Variants in ZNF407 observed in about 807,000 individuals in gnomAD.
The protein encoded by ZNF407 is zinc finger protein 407.
In ZNF407, 17 loss-of-function variants were observed where a neutral mutation model predicts 131.2. That is an observed-to-expected ratio of 0.13 (90% CI 0.09 to 0.19). The LOEUF (loss-of-function observed/expected upper bound fraction) is 0.19. ZNF407 is among the 10% of genes least tolerant of loss of function. The pLI is 1.00. For missense variants in ZNF407, 2,681 were observed against 2,830.6 expected (o/e 0.95, Z 1.20); for synonymous variants, 1,156 against 1,062.0 (o/e 1.09, Z -1.72).
intron 3 of ZNF407, among the ~76,000 whole-genome samples, chr18:74,701,331 G>A (rs966734059): frequency 5.3e-5 from 8 of 152,144 alleles, no homozygotes; most frequent in African/African-American, 1.4e-4. Context: ...GCATCTCATC[G>A]CAAAGAAATA....
intron 3 of ZNF407, among the ~76,000 whole-genome samples, chr18:74,645,568 T>G (rs1984931426): frequency 6.6e-6 from 1 of 152,016 alleles, no homozygotes; most frequent in Admixed American, 6.6e-5. Context: ...ATTAATGTGC[T>G]TATGAACTGT....
At chr18:74,725,781 T>C (rs149680541) in intron 3 of ZNF407, among the ~76,000 whole-genome samples, 155 of 152,314 alleles carry the variant, frequency 1.0e-3, no homozygotes, top group African/African-American at 3.5e-3. Context: ...CAGGTGATGT[T>C]ATGTATCTGA....
intron 3 of ZNF407, among the ~76,000 whole-genome samples, chr18:74,733,370 AATTTTTTTAT>A: frequency 6.6e-6 from 1 of 152,152 alleles, no homozygotes; most frequent in South Asian, 2.1e-4. Flanking sequence ...ATTATTTTTA[AATTTTTTTAT>A]TATAAGATTT....
intron 4 of ZNF407, among the ~76,000 whole-genome samples, chr18:74,859,393 T>G (rs1313284027): frequency 2.0e-5 from 3 of 152,144 alleles, no homozygotes; most frequent in Non-Finnish European, 4.4e-5. Context: ...GTATTTAACG[T>G]GTAACACTGG....
chr18:74,892,288 C>T (rs1264572500), intron 7 of ZNF407, among the ~76,000 whole-genome samples: 1 of 152,032 alleles, frequency 6.6e-6, no homozygotes, highest in Non-Finnish European at 1.5e-5. Context: ...TGTGGAGAAC[C>T]TGGGCTCAGC....
intron 8 of ZNF407, among the ~76,000 whole-genome samples, chr18:74,932,962 A>C (rs927679136): frequency 2.0e-5 from 3 of 152,218 alleles, no homozygotes; most frequent in African/African-American, 7.2e-5. Flanking sequence ...ACAATAGTGC[A>C]GCTGCTGTGG....
At chr18:74,603,481 T>G (rs1431360925) in intron 1 of ZNF407, among the ~76,000 whole-genome samples, 2 of 152,180 alleles carry the variant, frequency 1.3e-5, no homozygotes, top group African/African-American at 2.4e-5. Flanking sequence ...ATGACAACAG[T>G]ATCTTCTCTC....
At chr18:74,833,644 C>G (rs1970515578) in intron 4 of ZNF407, among the ~76,000 whole-genome samples, 1 of 152,182 alleles carries the variant, frequency 6.6e-6, no homozygotes, top group South Asian at 2.1e-4. Flanking sequence ...AGGCTCAGGT[C>G]CTGTTGCCCT....
At chr18:74,993,282 G>C (rs1413388568) in intron 8 of ZNF407, among the ~76,000 whole-genome samples, 1 of 152,168 alleles carries the variant, frequency 6.6e-6, no homozygotes, top group African/African-American at 2.4e-5. Context: ...CAGATGAATG[G>C]ACAATTCATC....
At chr18:75,060,815 T>A (rs1326562230) in intron 8 of ZNF407, among the ~76,000 whole-genome samples, 1 of 152,248 alleles carries the variant, frequency 6.6e-6, no homozygotes, top group African/African-American at 2.4e-5. Flanking sequence ...GCAGCTCTTT[T>A]CTTGACAAAA....
intron 3 of ZNF407, among the ~76,000 whole-genome samples, chr18:74,691,813 G>A (rs1202326832): frequency 6.6e-6 from 1 of 152,072 alleles, no homozygotes; most frequent in African/African-American, 2.4e-5. Context: ...ATATTTATGG[G>A]CCGAGTTTGT....
chr18:75,039,370 T>C (rs1235869092), intron 8 of ZNF407, among the ~76,000 whole-genome samples: 2 of 152,318 alleles, frequency 1.3e-5, no homozygotes, highest in African/African-American at 4.8e-5. Context: ...GTGCAGTAAT[T>C]AACGTGTGGA....
At chr18:74,612,317 A>G (rs1340420768) in intron 1 of ZNF407, among the ~76,000 whole-genome samples, 3 of 152,206 alleles carry the variant, frequency 2.0e-5, no homozygotes, top group Non-Finnish European at 4.4e-5. Context: ...AGAGGGACAA[A>G]TTATCAGAGA....
chr18:74,739,431 A>C (rs949053645), intron 3 of ZNF407, among the ~76,000 whole-genome samples: 6 of 151,896 alleles, frequency 4.0e-5, no homozygotes, highest in African/African-American at 1.2e-4. Context: ...GTAACTAAAA[A>C]GTAGGTGGTC....
chr18:74,921,829 C>G (rs921514809), intron 8 of ZNF407, among the ~76,000 whole-genome samples: 1 of 152,064 alleles, frequency 6.6e-6, no homozygotes, highest in Non-Finnish European at 1.5e-5. Flanking sequence ...ACCAGAAATG[C>G]GAGGTTCCAG....
At chr18:74,747,890 C>A (rs570756286) in intron 3 of ZNF407, among the ~76,000 whole-genome samples, 2 of 151,906 alleles carry the variant, frequency 1.3e-5, no homozygotes, top group African/African-American at 4.8e-5. Context: ...TTTATATACA[C>A]GTATGTTTTT....
intron 3 of ZNF407, among the ~76,000 whole-genome samples, chr18:74,710,453 C>T (rs9319682): frequency 0.084 from 12,739 of 152,180 alleles, 714 homozygotes; most frequent in African/African-American, 0.16. Context: ...CTAAAATACG[C>T]GAGCAGTGTA....
At chr18:74,712,100 G>T (rs1038330676) in intron 3 of ZNF407, among the ~76,000 whole-genome samples, 4 of 152,144 alleles carry the variant, frequency 2.6e-5, no homozygotes, top group Admixed American at 2.6e-4. Context: ...TCATATATGT[G>T]TCTGACTGAT....
intron 3 of ZNF407, among the ~76,000 whole-genome samples, chr18:74,715,898 T>A (rs1282248178): frequency 6.6e-6 from 1 of 152,238 alleles, no homozygotes; most frequent in Non-Finnish European, 1.5e-5. Context: ...CGTAATCCTG[T>A]CTGCCTCTTG....
Sources: allele counts gnomAD v4.1 joint callset (sites outside exome capture counted in the v4.1 genomes callset), GRCh38; gene constraint gnomAD v4.1.1; transcripts MANE v1.5; gene names NCBI Gene and HGNC (gene_info 2026-07-23, HGNC 2026-07-21).